Variants in VEGFC observed in about 807,000 individuals in gnomAD.
VEGFC encodes FLT4 ligand DHM.
In VEGFC, 12 loss-of-function variants were observed where a neutral mutation model predicts 46.1. The ratio of observed to expected loss-of-function variants is 0.26; its 90% CI spans 0.17 to 0.42. The LOEUF is 0.42. Among genes scored for constraint, VEGFC ranks in the 10% least tolerant of loss-of-function variants. VEGFC has a pLI of 1.00. For missense variants in VEGFC, 488 were observed against 529.4 expected, an observed-to-expected ratio of 0.92 and a Z score of 0.77; for synonymous variants, 232 against 195.5, an observed-to-expected ratio of 1.19 and a Z score of -1.56.
At chr4:176,788,404 C>T (rs1179329505) in intron 1 of VEGFC, among the ~76,000 whole-genome samples, 1 of 152,206 alleles carries the variant, frequency 6.6e-6, no homozygotes, top group South Asian at 2.1e-4. Flanking sequence ...CCTTCCTGCA[C>T]GCTGCTATAG....
At chr4:176,699,054 A>G (rs1047405283) in intron 4 of VEGFC, among the ~76,000 whole-genome samples, 1 of 152,194 alleles carries the variant, frequency 6.6e-6, no homozygotes, top group East Asian at 1.9e-4. Flanking sequence ...TTTCTTGAAA[A>G]GCAAATTATT....
intron 4 of VEGFC, among the ~76,000 whole-genome samples, chr4:176,701,889 C>G (rs1198749956): frequency 6.6e-6 from 1 of 152,150 alleles, no homozygotes; most frequent in East Asian, 1.9e-4. Flanking sequence ...GCTAAGCTAT[C>G]TCTCCATTTC....
chr4:176,745,359 G>A (rs1336884668), intron 1 of VEGFC, among the ~76,000 whole-genome samples: 1 of 151,974 alleles, frequency 6.6e-6, no homozygotes, highest in African/African-American at 2.4e-5. Flanking sequence ...TTGACAATCA[G>A]GCATTCCATG....
At chr4:176,721,034 T>C (rs1272022001) in intron 3 of VEGFC, among the ~76,000 whole-genome samples, 1 of 151,924 alleles carries the variant, frequency 6.6e-6, no homozygotes, top group Non-Finnish European at 1.5e-5. Flanking sequence ...TACGGGATCA[T>C]GTGTAGGGAG....
At chr4:176,788,777 A>G (rs552604592) in intron 1 of VEGFC, among the ~76,000 whole-genome samples, 1 of 152,220 alleles carries the variant, frequency 6.6e-6, no homozygotes, top group African/African-American at 2.4e-5. Flanking sequence ...AAATAGAACC[A>G]TTCTAAGTCG....
At chr4:176,695,273 G>A (rs1286378204) in intron 4 of VEGFC, among the ~76,000 whole-genome samples, 1,516 of 149,796 alleles carry the variant, frequency 0.01, 19 homozygotes, top group Non-Finnish European at 0.012. Flanking sequence ...TCAAATAGAC[G>A]CAATAAAAAA....
chr4:176,708,758 G>C (rs562336901), intron 4 of VEGFC, among the ~76,000 whole-genome samples: 1 of 152,022 alleles, frequency 6.6e-6, no homozygotes, highest in Non-Finnish European at 1.5e-5. Context: ...TGTAGATAGT[G>C]GTTTTAAAAA....
chr4:176,750,029 A>G (rs1221632816), intron 1 of VEGFC, among the ~76,000 whole-genome samples: 1 of 151,838 alleles, frequency 6.6e-6, no homozygotes, highest in African/African-American at 2.4e-5. Context: ...ATCGGTAAAC[A>G]ATCTTCAATT....
At chr4:176,703,302 A>G (rs1050398837) in intron 4 of VEGFC, among the ~76,000 whole-genome samples, 2 of 152,154 alleles carry the variant, frequency 1.3e-5, no homozygotes, top group African/African-American at 4.8e-5. Context: ...CCATAAAAAG[A>G]ATGCAATCCT....
chr4:176,734,548 C>G (rs192025393), intron 1 of VEGFC, among the ~76,000 whole-genome samples: 1 of 151,792 alleles, frequency 6.6e-6, no homozygotes, highest in East Asian at 1.9e-4. Context: ...ATAACGTTCA[C>G]CTTTTGAAAC....
intron 1 of VEGFC, among the ~76,000 whole-genome samples, chr4:176,779,873 C>T (rs1735878957): frequency 6.6e-6 from 1 of 152,270 alleles, no homozygotes; most frequent in Admixed American, 6.5e-5. Context: ...TGCGAATGTA[C>T]CACCAGTGAA....
chr4:176,739,212 T>C (rs1167235922), intron 1 of VEGFC, among the ~76,000 whole-genome samples: 1 of 151,592 alleles, frequency 6.6e-6, no homozygotes, highest in Non-Finnish European at 1.5e-5. Context: ...GTGGGAGTAT[T>C]AATTAGTTTA....
chr4:176,775,746 G>A (rs985874053), intron 1 of VEGFC, among the ~76,000 whole-genome samples: 37 of 152,094 alleles, frequency 2.4e-4, no homozygotes, highest in Admixed American at 5.2e-4. Flanking sequence ...AATGAAGTAC[G>A]TAATATATTT....
At chr4:176,745,559 A>G (rs928745718) in intron 1 of VEGFC, among the ~76,000 whole-genome samples, 2 of 152,126 alleles carry the variant, frequency 1.3e-5, no homozygotes, top group Non-Finnish European at 2.9e-5. Flanking sequence ...CCAACAATTC[A>G]TGGGAAAAGT....
intron 1 of VEGFC, among the ~76,000 whole-genome samples, chr4:176,738,020 A>G (rs1735085509): frequency 6.6e-6 from 1 of 151,974 alleles, no homozygotes; most frequent in African/African-American, 2.4e-5. Flanking sequence ...CTCTTCAAGG[A>G]GAAGTACAAA....
chr4:176,783,880 T>C (rs1030246974), intron 1 of VEGFC, among the ~76,000 whole-genome samples: 1 of 152,168 alleles, frequency 6.6e-6, no homozygotes, highest in African/African-American at 2.4e-5. Context: ...TTTTAAAAAT[T>C]TAATAAATTA....
intron 1 of VEGFC, among the ~76,000 whole-genome samples, chr4:176,788,005 A>C (rs1579145396): frequency 6.6e-6 from 1 of 152,248 alleles, no homozygotes; most frequent in East Asian, 1.9e-4. Context: ...GAATAATGTA[A>C]CTGGTGAAAG....
At chr4:176,777,359 T>C (rs1465110606) in intron 1 of VEGFC, among the ~76,000 whole-genome samples, 1 of 152,162 alleles carries the variant, frequency 6.6e-6, no homozygotes, top group Non-Finnish European at 1.5e-5. Flanking sequence ...TTGAAATAGC[T>C]ATGTAACTAA....
At chr4:176,707,874 C>A (rs1265389083) in intron 4 of VEGFC, among the ~76,000 whole-genome samples, 1 of 151,986 alleles carries the variant, frequency 6.6e-6, no homozygotes, top group Non-Finnish European at 1.5e-5. Flanking sequence ...CTATTGGCTG[C>A]CATTGGTTGC....
Sources: allele counts gnomAD v4.1 joint callset (sites outside exome capture counted in the v4.1 genomes callset), GRCh38; gene constraint gnomAD v4.1.1; transcripts MANE v1.5; gene names NCBI Gene and HGNC (gene_info 2026-07-23, HGNC 2026-07-21).